Variants in MINDY2 observed in about 807,000 individuals in gnomAD.
The protein encoded by MINDY2 is MINDY lysine 48 deubiquitinase 2.
In MINDY2, 52 loss-of-function variants were observed where a neutral mutation model predicts 68.2. The observed-to-expected ratio is 0.76, with a 90% CI of 0.61 to 0.96. The LOEUF is 0.96. MINDY2 is among the 40% of genes least tolerant of loss of function. The pLI is 0.00. For missense variants in MINDY2, 881 were observed against 773.4 expected, an observed-to-expected ratio of 1.14 and a Z score of -1.65; for synonymous variants, 372 against 303.0, an observed-to-expected ratio of 1.23 and a Z score of -2.36.
At chr15:58,809,664 T>C (rs2030083000) in intron 3 of MINDY2, among the ~76,000 whole-genome samples, 1 of 152,240 alleles carries the variant, frequency 6.6e-6, no homozygotes, top group Middle Eastern at 3.2e-3. Flanking sequence ...TTTCTATTAC[T>C]CTCTACAACT....
chr15:58,832,161 A>G (rs1276098388), intron 6 of MINDY2, among the ~76,000 whole-genome samples: 2 of 151,992 alleles, frequency 1.3e-5, no homozygotes, highest in African/African-American at 4.8e-5. Flanking sequence ...TGCAGTAAGA[A>G]GTATTTTATT....
At chr15:58,835,712 GT>G (rs1373625573) in intron 6 of MINDY2, among the ~76,000 whole-genome samples, 2 of 152,050 alleles carry the variant, frequency 1.3e-5, no homozygotes, top group Non-Finnish European at 2.9e-5. Context: ...GAATCTTCTA[GT>G]TTAATCAGTT....
chr15:58,836,641 CAG>C (rs1452557151), intron 6 of MINDY2, among the ~76,000 whole-genome samples: 1 of 151,748 alleles, frequency 6.6e-6, no homozygotes, highest in Non-Finnish European at 1.5e-5. Context: ...TTCCCTGAAA[CAG>C]GGTCTTGCTC....
intron 1 of MINDY2, among the ~76,000 whole-genome samples, chr15:58,784,715 G>A (rs1432213766): frequency 6.6e-6 from 1 of 151,022 alleles, no homozygotes; most frequent in South Asian, 2.1e-4. Flanking sequence ...AAATTCCTGG[G>A]TTCAAGTGGT....
At chr15:58,801,380 TAAAAAAAAAAAAAAAAAAAAA>T (rs1188514448) in intron 2 of MINDY2, among the ~76,000 whole-genome samples, 1 of 22,590 alleles carries the variant, frequency 4.4e-5, no homozygotes, top group African/African-American at 1.3e-4. Context: ...CCCCATCTCT[TAAAAAAAAAAAAAAAAAAAAA>T]AAAAAAAAGA....
chr15:58,847,498 G>T, intron 7 of MINDY2, 28 bp downstream of exon 7: 1 of 1,471,868 alleles, frequency 6.8e-7, no homozygotes, highest in East Asian at 2.3e-5. Context: ...TCTTTATAGT[G>T]GTTAAAATGC....
chr15:58,801,380 TAAA>T (rs1188514448), intron 2 of MINDY2, among the ~76,000 whole-genome samples: 122 of 22,598 alleles, frequency 5.4e-3, no homozygotes, highest in African/African-American at 0.014. Context: ...CCCCATCTCT[TAAA>T]AAAAAAAAAA....
chr15:58,828,416 A>C (rs879693270), intron 5 of MINDY2, among the ~76,000 whole-genome samples: 2 of 151,994 alleles, frequency 1.3e-5, no homozygotes, highest in African/African-American at 2.4e-5. Flanking sequence ...AAATAAATCA[A>C]GTTTCCTTCC....
At chr15:58,814,945 A>G (rs1233619948) in intron 4 of MINDY2, among the ~76,000 whole-genome samples, 1 of 151,714 alleles carries the variant, frequency 6.6e-6, no homozygotes. Flanking sequence ...GCCTGGACTT[A>G]ATTTCAGTGA....
In MINDY2 at chr15:58,831,041, G is replaced by GTGTGTGTGTATATATATA. The variant is rs565786025; in HGVS notation, c.1226-732_1226-731insGTGTGTGTATATATATAT. ...TGTGTGTGTGTGTGTGTGTGTGTGT[G>GTGTGTGTGTATATATATA]TATATATATATATATATATGTTTTA... On this transcript the variant is annotated intron_variant, in intron 5 of 8. Coordinates refer to ENST00000559228, the MANE Select transcript of MINDY2 (RefSeq NM_001040450.3). 5.6e-4 allele frequency among the ~76,000 whole-genome samples: 70 copies of GTGTGTGTGTATATATATA among 124,904 alleles called. 3 individuals are homozygous for GTGTGTGTGTATATATATA. The South Asian group carries it at 0.017, about 29-fold the overall frequency. 81.9% of individuals were successfully genotyped at this position (124,904 alleles called of 152,430 possible). A position where few individuals can be genotyped will look rare whatever the true frequency, so the allele number is the denominator to read the frequency against.
intron 5 of MINDY2, among the ~76,000 whole-genome samples, chr15:58,828,706 G>A (rs1027919544): frequency 1.3e-5 from 2 of 150,078 alleles, no homozygotes; most frequent in South Asian, 2.1e-4. Context: ...GACTACAGGC[G>A]CCTGCCACCA....
At chr15:58,818,600 C>A (rs1041078328) in intron 4 of MINDY2, among the ~76,000 whole-genome samples, 14 of 151,062 alleles carry the variant, frequency 9.3e-5, no homozygotes, top group African/African-American at 2.9e-4. Context: ...GAATATTTGA[C>A]ATCTTTTTTT....
chr15:58,839,214 A>G (rs1196833416), intron 6 of MINDY2, among the ~76,000 whole-genome samples: 1 of 152,120 alleles, frequency 6.6e-6, no homozygotes, highest in Non-Finnish European at 1.5e-5. Flanking sequence ...GAAGGGAGGT[A>G]TATATGCTTT....
chr15:58,851,989 T>C (rs766394757), intron 8 of MINDY2, 24 bp downstream of exon 8: 2 of 1,543,668 alleles, frequency 1.3e-6, no homozygotes, highest in Middle Eastern at 1.7e-4. Context: ...TTTTGAGTCT[T>C]AAATGTGATG....
At chr15:58,841,840 G>A (rs1289831152) in intron 6 of MINDY2, among the ~76,000 whole-genome samples, 2 of 152,188 alleles carry the variant, frequency 1.3e-5, no homozygotes, top group African/African-American at 4.8e-5. Context: ...ATTTGAAAGT[G>A]TAAAGATGGG....
intron 3 of MINDY2, among the ~76,000 whole-genome samples, chr15:58,804,103 G>A (rs1030825218): frequency 6.6e-6 from 1 of 151,414 alleles, no homozygotes; most frequent in Non-Finnish European, 1.5e-5. Context: ...CACTCCAGCC[G>A]GGGCGACAAA....
intron 2 of MINDY2, among the ~76,000 whole-genome samples, chr15:58,799,839 A>G (rs1902523372): frequency 6.6e-6 from 1 of 152,184 alleles, no homozygotes; most frequent in Non-Finnish European, 1.5e-5. Flanking sequence ...GTAATAAAGT[A>G]AGGTGTGGAA....
At chr15:58,828,263 T>C (rs2031523447) in intron 5 of MINDY2, among the ~76,000 whole-genome samples, 1 of 152,188 alleles carries the variant, frequency 6.6e-6, no homozygotes, top group South Asian at 2.1e-4. Flanking sequence ...AATACATTAA[T>C]GTATTTGATC....
chr15:58,811,228 A>AT (rs1175150027), intron 4 of MINDY2, among the ~76,000 whole-genome samples: 3 of 152,192 alleles, frequency 2.0e-5, no homozygotes, highest in African/African-American at 7.2e-5. Flanking sequence ...TTGAAAAGAG[A>AT]TTTTGTATTA....
Sources: allele counts gnomAD v4.1 joint callset (sites outside exome capture counted in the v4.1 genomes callset), GRCh38; gene constraint gnomAD v4.1.1; transcripts MANE v1.5; gene names NCBI Gene and HGNC (gene_info 2026-07-23, HGNC 2026-07-21).